Variants in SAMD5 observed in about 807,000 individuals in gnomAD.
SAMD5 encodes the protein sterile alpha motif domain-containing protein 5.
A neutral mutation model predicts 11.3 loss-of-function variants in SAMD5; 13 were observed. The ratio of observed to expected loss-of-function variants is 1.15; its 90% CI spans 0.75 to 1.83. The LOEUF is 1.83. SAMD5 is among the 40% of genes most tolerant of loss of function. The probability of loss-of-function intolerance (pLI) is 0.00; values close to 1 mark genes in which losing one functional copy is unlikely to be tolerated. For missense variants in SAMD5, 255 were observed against 239.1 expected, an observed-to-expected ratio of 1.07 and a Z score of -0.44; for synonymous variants, 129 against 111.3, an observed-to-expected ratio of 1.16 and a Z score of -1.00.
chr6:147,686,845 G>A (rs1386152805), intron 1 of SAMD5, among the ~76,000 whole-genome samples: 2 of 151,996 alleles, frequency 1.3e-5, no homozygotes, highest in African/African-American at 4.8e-5. Context: ...TGGCTTCTCA[G>A]AACAAAACAA....
chr6:147,744,510 A>G, the SAMD5 span, among the ~76,000 whole-genome samples: 7 of 152,350 alleles, frequency 4.6e-5, no homozygotes, highest in African/African-American at 1.4e-4. Context: ...GGATTCTGTG[A>G]GAAATTGTAT....
At chr6:147,789,047 G>A in the SAMD5 span, among the ~76,000 whole-genome samples, 2 of 150,348 alleles carry the variant, frequency 1.3e-5, no homozygotes, top group Non-Finnish European at 3.0e-5. Context: ...TCACGCCACT[G>A]CACTCCAGCC....
chr6:147,930,674 A>T, the SAMD5 span, among the ~76,000 whole-genome samples: 56 of 152,250 alleles, frequency 3.7e-4, no homozygotes, highest in Middle Eastern at 3.4e-3. Context: ...CTGACAATGT[A>T]GGCCAGAGGC....
intron 1 of SAMD5, among the ~76,000 whole-genome samples, chr6:147,647,099 G>A (rs1291107479): frequency 2.0e-5 from 3 of 151,900 alleles, no homozygotes; most frequent in Admixed American, 6.6e-5. Flanking sequence ...CCTGGGAGGT[G>A]GAGGTTGCAG....
chr6:147,661,580 ATTAG>A (rs1016573033), intron 1 of SAMD5, among the ~76,000 whole-genome samples: 5 of 152,164 alleles, frequency 3.3e-5, no homozygotes, highest in African/African-American at 4.8e-5. Context: ...ATAGCATTCT[ATTAG>A]TTAGGAGGAC....
At chr6:147,598,605 C>A (rs1458292888) in intron 1 of SAMD5, among the ~76,000 whole-genome samples, 1 of 152,138 alleles carries the variant, frequency 6.6e-6, no homozygotes. Flanking sequence ...TCACAGGTAG[C>A]CATGAGAAAT....
chr6:147,763,782 C>T, the SAMD5 span, among the ~76,000 whole-genome samples: 1 of 152,004 alleles, frequency 6.6e-6, no homozygotes, highest in Non-Finnish European at 1.5e-5. Flanking sequence ...CGGGGTTTCA[C>T]CGTGTTAGCC....
chr6:147,837,520 T>C, the SAMD5 span, among the ~76,000 whole-genome samples: 4 of 152,214 alleles, frequency 2.6e-5, no homozygotes, highest in African/African-American at 9.6e-5. Context: ...GAACAAAATG[T>C]TCTGTCCCCT....
chr6:147,756,881 G>T, the SAMD5 span, among the ~76,000 whole-genome samples: 1 of 152,192 alleles, frequency 6.6e-6, no homozygotes, highest in East Asian at 1.9e-4. Flanking sequence ...TAAAAAGTTT[G>T]TTGGCATTAA....
chr6:147,540,634 GA>G (rs1046359844), intron 1 of SAMD5, among the ~76,000 whole-genome samples: 3 of 152,080 alleles, frequency 2.0e-5, no homozygotes, highest in Non-Finnish European at 4.4e-5. Context: ...CTCCATTATA[GA>G]ACACAGAAAA....
intron 1 of SAMD5, among the ~76,000 whole-genome samples, chr6:147,562,137 G>A (rs540155506): frequency 6.6e-6 from 1 of 152,180 alleles, no homozygotes; most frequent in Non-Finnish European, 1.5e-5. Flanking sequence ...AGTCCACACC[G>A]TTAGATGGGT....
intron 1 of SAMD5, among the ~76,000 whole-genome samples, chr6:147,554,734 T>C (rs1429036072): frequency 6.6e-6 from 1 of 152,184 alleles, no homozygotes; most frequent in African/African-American, 2.4e-5. Flanking sequence ...TGTGGAGCGA[T>C]TGCTAGGATG....
chr6:147,784,479 T>A, the SAMD5 span, among the ~76,000 whole-genome samples: 1 of 152,232 alleles, frequency 6.6e-6, no homozygotes, highest in South Asian at 2.1e-4. Context: ...GAAAATTTTC[T>A]TATTAACCTC....
At chr6:147,532,763 T>G (rs971923598) in intron 1 of SAMD5, among the ~76,000 whole-genome samples, 1 of 152,158 alleles carries the variant, frequency 6.6e-6, no homozygotes, top group East Asian at 1.9e-4. Flanking sequence ...TATCAAAGTG[T>G]TCCCTTTTCA....
chr6:147,521,363 T>C (rs117546605), intron 1 of SAMD5, among the ~76,000 whole-genome samples: 342 of 152,238 alleles, frequency 2.2e-3, no homozygotes, highest in Non-Finnish European at 3.5e-3. Flanking sequence ...TTATTTCATG[T>C]AGATTGCACA....
chr6:147,892,518 G>T, the SAMD5 span, among the ~76,000 whole-genome samples: 32 of 152,212 alleles, frequency 2.1e-4, no homozygotes, highest in Non-Finnish European at 2.8e-4. Context: ...TCCAGTTAGG[G>T]ATCTGTACAT....
chr6:147,796,493 G>C, the SAMD5 span, among the ~76,000 whole-genome samples: 1 of 152,170 alleles, frequency 6.6e-6, no homozygotes. Flanking sequence ...TTTGAAGTCA[G>C]GTAGTGTGAT....
chr6:147,940,755 G>C, the SAMD5 span, among the ~76,000 whole-genome samples: 1 of 152,104 alleles, frequency 6.6e-6, no homozygotes, highest in Admixed American at 6.5e-5. Flanking sequence ...TTGAGGTCAG[G>C]AGTTAAGACC....
At chr6:147,593,973 C>T (rs887171629) in intron 1 of SAMD5, among the ~76,000 whole-genome samples, 3 of 152,048 alleles carry the variant, frequency 2.0e-5, no homozygotes, top group Non-Finnish European at 2.9e-5. Context: ...ACTAAAAATA[C>T]AAAAATTAGC....
Sources: allele counts gnomAD v4.1 joint callset (sites outside exome capture counted in the v4.1 genomes callset), GRCh38; gene constraint gnomAD v4.1.1; transcripts MANE v1.5; gene names NCBI Gene and HGNC (gene_info 2026-07-23, HGNC 2026-07-21).